CALN1: variants seen among roughly 807,000 people sequenced by gnomAD.
CALN1 encodes calcium-binding protein 8.
CALN1 carries 17 observed loss-of-function variants against 30.6 expected under a neutral mutation model. The ratio of observed to expected loss-of-function variants is 0.56; its 90% CI spans 0.38 to 0.83. The LOEUF is 0.83. Among genes scored for constraint, CALN1 ranks in the 40% least tolerant of loss-of-function variants. The probability of loss-of-function intolerance (pLI) is 0.00; values close to 1 mark genes in which losing one functional copy is unlikely to be tolerated. For synonymous variants in CALN1, 156 were observed against 131.4 expected (o/e 1.19, Z -1.28); for missense variants, 291 against 354.9 (o/e 0.82, Z 1.45).
chr7:72,004,000 C>T (rs1799650064), intron 5 of CALN1, among the ~76,000 whole-genome samples: 1 of 152,096 alleles, frequency 6.6e-6, no homozygotes, highest in Non-Finnish European at 1.5e-5. Context: ...TTATCAATAT[C>T]CTGGTGAATT....
chr7:71,810,551 G>C (rs1787889381), intron 5 of CALN1, 59 bp from the exon 6 acceptor site: 1 of 1,569,528 alleles, frequency 6.4e-7, no homozygotes, highest in Admixed American at 1.7e-5. Context: ...AAGTTGGCTC[G>C]GGCCATGACA....
intron 3 of CALN1, among the ~76,000 whole-genome samples, chr7:72,197,386 G>C (rs1039934159): frequency 5.3e-5 from 8 of 151,902 alleles, no homozygotes; most frequent in Admixed American, 1.3e-4. Context: ...ATTTTTAGTA[G>C]AGACGGGGTT....
chr7:72,490,664 C>T, the CALN1 span, among the ~76,000 whole-genome samples: 20 of 152,234 alleles, frequency 1.3e-4, no homozygotes, highest in South Asian at 3.3e-3. Context: ...TGAGTTCTCA[C>T]GAGATCTGGT....
At chr7:72,314,981 CAA>C (rs530371351) in intron 2 of CALN1, among the ~76,000 whole-genome samples, 14 of 105,368 alleles carry the variant, frequency 1.3e-4, no homozygotes, top group Middle Eastern at 5.7e-3. Context: ...CCCATCTCTA[CAA>C]AAAAAAAAAA....
At chr7:72,413,498 A>T (rs942530029), upstream of CALN1, among the ~76,000 whole-genome samples, 1 of 151,864 alleles carries the variant, frequency 6.6e-6, no homozygotes. Context: ...ACATAAGGAC[A>T]CAAACTCACA....
chr7:72,301,383 G>C (rs1014446030), intron 2 of CALN1, among the ~76,000 whole-genome samples: 4 of 151,854 alleles, frequency 2.6e-5, no homozygotes, highest in South Asian at 2.1e-4. Context: ...CGAGGCAGGT[G>C]TATCACTTGA....
At chr7:72,442,927 T>A (rs1029581273) in intron 1 of CALN1, among the ~76,000 whole-genome samples, 1 of 152,166 alleles carries the variant, frequency 6.6e-6, no homozygotes, top group African/African-American at 2.4e-5. Flanking sequence ...TTGTTAAGGG[T>A]TGCACTTATT....
At chr7:71,896,088 G>A (rs145739473) in intron 5 of CALN1, among the ~76,000 whole-genome samples, 6 of 152,204 alleles carry the variant, frequency 3.9e-5, no homozygotes, top group African/African-American at 1.4e-4. Context: ...ATTCTACAAA[G>A]GGCACCAATT....
intron 1 of CALN1, among the ~76,000 whole-genome samples, chr7:72,422,035 C>G (rs936144888): frequency 6.6e-6 from 1 of 152,138 alleles, no homozygotes; most frequent in South Asian, 2.1e-4. Flanking sequence ...TGGATCGACC[C>G]GCACTTAGGC....
intron 4 of CALN1, among the ~76,000 whole-genome samples, chr7:72,064,834 A>T (rs770788589): frequency 6.6e-6 from 1 of 152,020 alleles, no homozygotes; most frequent in Non-Finnish European, 1.5e-5. Flanking sequence ...CTCAACTTGC[A>T]TAGCTTTTAT....
chr7:72,354,957 T>C (rs1803144787), intron 2 of CALN1, among the ~76,000 whole-genome samples: 2 of 151,880 alleles, frequency 1.3e-5, no homozygotes, highest in Admixed American at 1.3e-4. Context: ...TCGCCAAAGC[T>C]GGAGTGCAGT....
At chr7:72,194,391 G>A (rs1419520193) in intron 3 of CALN1, among the ~76,000 whole-genome samples, 1 of 152,032 alleles carries the variant, frequency 6.6e-6, no homozygotes, top group Admixed American at 6.5e-5. Context: ...TTAGCCAGGT[G>A]TGGTGGTACA....
At chr7:72,367,174 T>G (rs551002414) in intron 2 of CALN1, among the ~76,000 whole-genome samples, 1 of 152,020 alleles carries the variant, frequency 6.6e-6, no homozygotes, top group African/African-American at 2.4e-5. Flanking sequence ...CTTGGGTTGG[T>G]GGAAGCAGGT....
intron 4 of CALN1, among the ~76,000 whole-genome samples, chr7:72,027,743 A>G (rs1261333897): frequency 6.7e-6 from 1 of 149,842 alleles, no homozygotes; most frequent in East Asian, 2.0e-4. Context: ...ACACACACAC[A>G]CACACACACA....
chr7:72,397,558 C>T (rs1213155395), intron 2 of CALN1, among the ~76,000 whole-genome samples: 1 of 152,052 alleles, frequency 6.6e-6, no homozygotes, highest in African/African-American at 2.4e-5. Flanking sequence ...CAGGTCACAG[C>T]AATGAGGAAG....
intron 2 of CALN1, among the ~76,000 whole-genome samples, chr7:72,384,368 C>G (rs1338424803): frequency 6.6e-6 from 1 of 152,068 alleles, no homozygotes; most frequent in African/African-American, 2.4e-5. Context: ...GCTGGAACAA[C>G]TGAATGATCG....
intron 4 of CALN1, among the ~76,000 whole-genome samples, chr7:72,026,863 A>G (rs1801092037): frequency 6.6e-6 from 1 of 152,186 alleles, no homozygotes; most frequent in African/African-American, 2.4e-5. Flanking sequence ...CAGTCTACCT[A>G]GAATTTGACA....
chr7:72,334,800 C>A (rs1208221824), intron 2 of CALN1, among the ~76,000 whole-genome samples: 1 of 152,242 alleles, frequency 6.6e-6, no homozygotes, highest in African/African-American at 2.4e-5. Context: ...CACTTGGATA[C>A]ACCCAGTAAC....
At chr7:72,301,554 G>A (rs1799261014) in intron 2 of CALN1, among the ~76,000 whole-genome samples, 2 of 146,728 alleles carry the variant, frequency 1.4e-5, no homozygotes, top group Non-Finnish European at 3.0e-5. Flanking sequence ...GTTGCAGTGT[G>A]CTGAGATCAC....
Sources: gnomAD v4.1 joint callset for allele counts (sites outside exome capture counted in the v4.1 genomes callset) on GRCh38, gnomAD v4.1.1 for gene constraint, MANE v1.5 for transcripts, NCBI Gene and HGNC (gene_info 2026-07-23, HGNC 2026-07-21) for gene names.